Variants in SERGEF observed in about 807,000 individuals in gnomAD.
SERGEF encodes secretion regulating guanine nucleotide exchange factor.
In SERGEF, 51 loss-of-function variants were observed where a neutral mutation model predicts 50.0. The observed-to-expected ratio is 1.02, with a 90% confidence interval of 0.81 to 1.29. SERGEF has a LOEUF of 1.29. Among genes scored for constraint, SERGEF ranks in the 50% most tolerant of loss-of-function variants. The pLI, the probability that SERGEF is intolerant of heterozygous loss-of-function variation, is 0.00. For synonymous variants in SERGEF, 205 were observed against 212.4 expected (o/e 0.97, Z 0.30); for missense variants, 521 against 557.0 (o/e 0.94, Z 0.65).
intron 10 of SERGEF, among the ~76,000 whole-genome samples, chr11:17,857,350 T>C (rs1053193594): frequency 5.3e-5 from 8 of 152,222 alleles, no homozygotes; most frequent in African/African-American, 1.9e-4. Context: ...AGTCTGTGGT[T>C]CTATGACCCC....
intron 6 of SERGEF, among the ~76,000 whole-genome samples, chr11:17,993,718 C>T (rs545722488): frequency 1.1e-3 from 163 of 152,258 alleles, no homozygotes; most frequent in African/African-American, 3.8e-3. Flanking sequence ...CTTCAAGTGT[C>T]CTCTGGAATG....
intron 9 of SERGEF, among the ~76,000 whole-genome samples, chr11:17,944,825 C>T (rs997273930): frequency 6.6e-6 from 1 of 152,156 alleles, no homozygotes; most frequent in Non-Finnish European, 1.5e-5. Flanking sequence ...AAAACTTTTC[C>T]AAATATCTAC....
rs968958990 is a variant in SERGEF, at chr11:17,959,783, C to T, written c.845-147G>A. The T allele has an allele frequency of 4.4e-6, 3 of 676,998 alleles. No homozygotes were observed. The Admixed American group carries it at 9.1e-5, about 21-fold the overall frequency. The allele number at this position is 676,998 out of a possible 1,614,324, so 41.9% of individuals were successfully genotyped here. ...TCTTCCTGTAAAGAAGGCACATGCA[C>T]TCATATTTTTACAGATGTGGAAACT... is the stretch of plus-strand genomic sequence containing the variant. On this transcript the variant is annotated intron_variant, in intron 8 of 10. Transcript: ENST00000265965.
Position 17,875,253 on chromosome 11 carries a change from TA to T in SERGEF, c.1048+2954del, listed in dbSNP as rs767265090. Among the ~76,000 whole-genome samples the T allele has an allele frequency of 9.9e-5, 15 of 152,220 alleles. No individual in the cohort carries two copies. In the East Asian group the frequency reaches 1.2e-3, roughly 12 times the overall value. Reference sequence around the variant, plus strand: ...GCTCTACTATTTATTGCTGTAACCGTAGGACCAATTCAAACCAAGTAATCAC... The same window carrying T: ...GCTCTACTATTTATTGCTGTAACCGTGGACCAATTCAAACCAAGTAATCAC... On this transcript the variant is annotated intron_variant, in intron 10 of 10. Coordinates refer to ENST00000265965, the MANE Select transcript of SERGEF (RefSeq NM_012139.4).
intron 9 of SERGEF, among the ~76,000 whole-genome samples, chr11:17,910,036 C>T (rs557879831): frequency 5.2e-4 from 79 of 152,268 alleles, no homozygotes; most frequent in African/African-American, 1.7e-3. Flanking sequence ...TGCCAGCCTG[C>T]CTCAGCTGCA....
chr11:17,879,761 AAT>A (rs1351071987), intron 9 of SERGEF, among the ~76,000 whole-genome samples: 11 of 152,234 alleles, frequency 7.2e-5, no homozygotes, highest in Non-Finnish European at 1.6e-4. Flanking sequence ...TATGTGAAGT[AAT>A]ATATGTTAAT....
chr11:17,963,740 TATTA>T (rs781723106), intron 8 of SERGEF, among the ~76,000 whole-genome samples: 51 of 152,320 alleles, frequency 3.3e-4, no homozygotes, highest in Non-Finnish European at 5.7e-4. Context: ...TTAATTTATT[TATTA>T]AAGTATGTAC....
chr11:17,938,714 G>GA (rs1328625859), intron 9 of SERGEF, among the ~76,000 whole-genome samples: 2 of 152,284 alleles, frequency 1.3e-5, no homozygotes, highest in Admixed American at 1.3e-4. Flanking sequence ...CAAGCAAACA[G>GA]AAAAAGACAG....
At chr11:17,807,328 TCC>T (rs3216315) in intron 10 of SERGEF, among the ~76,000 whole-genome samples, 140 of 69,424 alleles carry the variant, frequency 2.0e-3, no homozygotes, top group East Asian at 7.1e-3. Flanking sequence ...CTCAAAGAAC[TCC>T]CCCCCCACAA....
At chr11:17,860,159 G>A (rs549780608) in intron 10 of SERGEF, among the ~76,000 whole-genome samples, 6 of 152,292 alleles carry the variant, frequency 3.9e-5, no homozygotes, top group South Asian at 4.2e-4. Context: ...GTTGCAAAGC[G>A]TGTAAGAGGT....
intron 9 of SERGEF, among the ~76,000 whole-genome samples, chr11:17,921,506 C>G (rs1345003416): frequency 6.6e-6 from 1 of 152,212 alleles, no homozygotes; most frequent in Non-Finnish European, 1.5e-5. Flanking sequence ...TACAAACCAC[C>G]TCAATTTGTT....
chr11:17,842,166 C>A (rs1168746330), intron 10 of SERGEF, among the ~76,000 whole-genome samples: 1 of 152,062 alleles, frequency 6.6e-6, no homozygotes, highest in Non-Finnish European at 1.5e-5. Context: ...CATAGTATCT[C>A]CAGCTTTTAG....
At chr11:17,947,282 G>C (rs1852681487) in intron 9 of SERGEF, among the ~76,000 whole-genome samples, 1 of 152,122 alleles carries the variant, frequency 6.6e-6, no homozygotes, top group South Asian at 2.1e-4. Context: ...GATTCCACTG[G>C]GCAAGCTCTA....
intron 8 of SERGEF, among the ~76,000 whole-genome samples, chr11:17,960,673 T>C (rs972956601): frequency 6.6e-6 from 1 of 152,250 alleles, no homozygotes; most frequent in Admixed American, 6.5e-5. Context: ...ATATGGTTTA[T>C]AGTGTCAGCT....
intron 10 of SERGEF, among the ~76,000 whole-genome samples, chr11:17,837,036 G>A (rs1850413544): frequency 6.6e-6 from 1 of 152,098 alleles, no homozygotes; most frequent in Non-Finnish European, 1.5e-5. Flanking sequence ...ATCTTTTAGA[G>A]GTATAAGAAC....
chr11:17,840,231 G>C (rs543159949), intron 10 of SERGEF, among the ~76,000 whole-genome samples: 4 of 152,334 alleles, frequency 2.6e-5, no homozygotes, highest in African/African-American at 9.6e-5. Flanking sequence ...CTGTATTTTA[G>C]ATACACTACA....
At chr11:17,961,978 T>C (rs1023877235) in intron 8 of SERGEF, among the ~76,000 whole-genome samples, 7 of 152,212 alleles carry the variant, frequency 4.6e-5, no homozygotes, top group Admixed American at 6.5e-5. Context: ...CTATGGCATA[T>C]AGAGTATTAA....
intron 9 of SERGEF, among the ~76,000 whole-genome samples, chr11:17,955,446 CAAG>C (rs1230506978): frequency 6.6e-5 from 10 of 152,076 alleles, no homozygotes; most frequent in Non-Finnish European, 1.5e-5. Context: ...ACTCAAAAGT[CAAG>C]AAGGAGGTAA....
intron 2 of SERGEF, 91 bp downstream of exon 2, chr11:18,007,850 A>C: frequency 7.6e-7 from 1 of 1,312,038 alleles, no homozygotes; most frequent in East Asian, 2.4e-5. Context: ...TCCTCTGCAA[A>C]ATACAAAAGG....
Sources: gnomAD v4.1 joint callset for allele counts (sites outside exome capture counted in the v4.1 genomes callset) on GRCh38, gnomAD v4.1.1 for gene constraint, MANE v1.5 for transcripts, NCBI Gene and HGNC (gene_info 2026-07-23, HGNC 2026-07-21) for gene names.